PAK2: variants seen among roughly 807,000 people sequenced by gnomAD.
The protein encoded by PAK2 is serine/threonine-protein kinase PAK 2.
A neutral mutation model predicts 65.9 loss-of-function variants in PAK2; 21 were observed. The ratio of observed to expected loss-of-function variants is 0.32; its 90% CI spans 0.23 to 0.46. PAK2 has a LOEUF of 0.46. Ranked by LOEUF, PAK2 falls within the 20% of genes least tolerant of loss-of-function variation. The pLI is 1.00. For missense variants in PAK2, 324 were observed against 642.6 expected, an observed-to-expected ratio of 0.50 and a Z score of 5.36; for synonymous variants, 204 against 219.7, an observed-to-expected ratio of 0.93 and a Z score of 0.63.
intron 2 of PAK2, among the ~76,000 whole-genome samples, chr3:196,792,402 T>C (rs1398510916): frequency 6.6e-6 from 1 of 152,206 alleles, no homozygotes; most frequent in Admixed American, 6.6e-5. Context: ...TAATTTATGA[T>C]AGACGTATTA....
chr3:196,803,282 C>T, intron 4 of PAK2, 118 bp downstream of exon 4: 1 of 803,040 alleles, frequency 1.2e-6, no homozygotes, highest in Non-Finnish European at 1.9e-6. Flanking sequence ...ACGGTTTTTC[C>T]CTGGATAGAT....
At position 196,791,691 on chromosome 3, in the gene PAK2, G is replaced by A. The variant is rs1045926697; in HGVS notation, c.187+8858G>A. On this transcript the variant is annotated intron_variant, in intron 2 of 14. Coordinates refer to ENST00000327134, the MANE Select transcript of PAK2 (RefSeq NM_002577.4). This position sits in a 1 kb window ranked among gnomAD's most constrained non-coding sequence, Gnocchi z 4.0. ...TGTAATCCCAGCACTTTGGGAGGCC[G>A]AGGCAGGTGGATCACGAGGTCAGGA... 4.6e-5 allele frequency among the ~76,000 whole-genome samples: 7 copies of A among 152,086 alleles called. No homozygotes were observed. Among genetic ancestry groups the A allele is most frequent in the South Asian group, 2.1e-4 (1 of 4,830 alleles).
intron 1 of PAK2, chr3:196,747,101 T>C (rs1713408122): frequency 1.3e-5 from 2 of 152,100 alleles, no homozygotes; most frequent in African/African-American, 4.8e-5. Context: ...GATTTACTTA[T>C]TGTATTGGTT....
chr3:196,826,480 T>G (rs76057798), intron 13 of PAK2, among the ~76,000 whole-genome samples: 2,492 of 152,224 alleles, frequency 0.016, 70 homozygotes, highest in African/African-American at 0.056. Flanking sequence ...CCTTGGTTTT[T>G]TTTTGTTTTG....
At position 196,814,907 on chromosome 3, in the gene PAK2, C is replaced by T. The variant is rs376352056; in HGVS notation, c.1053+339C>T. 1.8e-4 allele frequency among the ~76,000 whole-genome samples: 28 copies of T among 152,156 alleles called. No homozygotes were observed. The South Asian group carries it at 2.1e-3, about 11-fold the overall frequency. On this transcript the variant is annotated intron_variant, in intron 11 of 14. Transcript: ENST00000327134. ...AGAAATACACCACTCAGGCTGGGCG[C>T]GGTGGCTCACGCCTGTAATCCCAGC...
intron 2 of PAK2, among the ~76,000 whole-genome samples, chr3:196,787,347 G>A (rs1182671649): frequency 6.6e-6 from 1 of 151,966 alleles, no homozygotes; most frequent in Non-Finnish European, 1.5e-5. Context: ...TTGGGAGGCC[G>A]AGGCCGGCAG....
At chr3:196,815,137 A>T (rs191427920) in intron 11 of PAK2, among the ~76,000 whole-genome samples, 1 of 151,754 alleles carries the variant, frequency 6.6e-6, no homozygotes, top group East Asian at 1.9e-4. Context: ...CCGAGATCAC[A>T]CCACTGCACT....
At position 196,805,390 on chromosome 3, in the gene PAK2, T is replaced by C; in HGVS notation, c.468+7T>C. 7.5e-7 allele frequency: 1 copy of C among 1,326,362 alleles called. No homozygotes were observed. Among genetic ancestry groups the C allele is most frequent in the Non-Finnish European group, 1.0e-6 (1 of 955,594 alleles). The allele number at this position is 1,326,362 out of a possible 1,614,324, so 82.2% of individuals were successfully genotyped here. A position where few individuals can be genotyped will look rare whatever the true frequency, so the allele number is the denominator to read the frequency against. On this transcript the variant is annotated splice_region_variant and intron_variant, in intron 5 of 14. Coordinates refer to ENST00000327134, the MANE Select transcript of PAK2 (RefSeq NM_002577.4). ...TCCTTCTGGAACACCAGCAGTAAGTTAATTATATTATTTCTTGTATCTCTT... is the reference window on the plus strand; with the variant it reads ...TCCTTCTGGAACACCAGCAGTAAGTCAATTATATTATTTCTTGTATCTCTT...
intron 1 of PAK2, among the ~76,000 whole-genome samples, chr3:196,752,098 G>T (rs1034464230): frequency 2.0e-5 from 3 of 152,096 alleles, no homozygotes. Context: ...CTCATTATGT[G>T]TATGCAAATA....
chr3:196,746,927 C>T (rs1344026836), intron 1 of PAK2, among the ~76,000 whole-genome samples: 1 of 150,998 alleles, frequency 6.6e-6, no homozygotes, highest in Non-Finnish European at 1.5e-5. Flanking sequence ...TTTCCTAGAT[C>T]ATTTCTTTTA....
chr3:196,823,198 A>G (rs1321114657), intron 13 of PAK2, among the ~76,000 whole-genome samples: 1 of 152,196 alleles, frequency 6.6e-6, no homozygotes, highest in Non-Finnish European at 1.5e-5. Context: ...AGACCAGGGC[A>G]GTATCAGTGG....
rs58175165 is a variant in PAK2 at position 196,792,798 on chromosome 3, G to GAAA, written c.188-9124_188-9122dup. On this transcript the variant is annotated intron_variant, in intron 2 of 14. Coordinates refer to ENST00000327134, the MANE Select transcript of PAK2 (RefSeq NM_002577.4). ...CTCCCAAGACCCAACTAAAATGACAGAAAAAAATATATATATATACACACA... is the reference window on the plus strand; with the variant it reads ...CTCCCAAGACCCAACTAAAATGACAGAAAAAAAAAATATATATATATACACACA... Among the ~76,000 whole-genome samples, 127 of 150,116 alleles carry GAAA rather than the reference G, an allele frequency of 8.5e-4. 1 individual carries two copies. The highest frequency in any genetic ancestry group is 2.6e-3 in the African/African-American group (105 of 40,678).
rs770403447 is a variant in PAK2 at position 196,806,697 on chromosome 3, A to C, written c.576+11A>C. The stretch of plus-strand genomic sequence containing the variant: ...GATCATACGAAATCAGTGAGTCTCC[A>C]TCGGTGATCTAGGCTGTGTGTGTGC... On this transcript the variant is annotated intron_variant, in intron 6 of 14. Coordinates refer to ENST00000327134, the MANE Select transcript of PAK2 (RefSeq NM_002577.4). 2.1e-6 allele frequency: 3 copies of C among 1,462,292 alleles called. No homozygotes were observed. The highest frequency in any genetic ancestry group is 1.7e-5 in the Admixed American group (1 of 59,816). 90.6% of individuals were successfully genotyped at this position (1,462,292 alleles called of 1,614,324 possible). A position where few individuals can be genotyped will look rare whatever the true frequency, so the allele number is the denominator to read the frequency against.
intron 1 of PAK2, among the ~76,000 whole-genome samples, chr3:196,771,062 G>A (rs1277724101): frequency 6.6e-6 from 1 of 151,474 alleles, no homozygotes; most frequent in African/African-American, 2.4e-5. Flanking sequence ...TTATCTTTTT[G>A]TTATTTTAAA....
At chr3:196,797,710 C>T (rs1348103146) in intron 2 of PAK2, among the ~76,000 whole-genome samples, 1 of 151,538 alleles carries the variant, frequency 6.6e-6, no homozygotes, top group Non-Finnish European at 1.5e-5. Context: ...AAGATTGTGC[C>T]ACTGCACTCC....
chr3:196,765,986 A>G (rs1291032604), intron 1 of PAK2, among the ~76,000 whole-genome samples: 1 of 148,312 alleles, frequency 6.7e-6, no homozygotes, highest in Admixed American at 6.8e-5. Flanking sequence ...TGCAAGCTCC[A>G]CCTCCCGGGG....
chr3:196,809,872 G>A (rs1050597388), intron 7 of PAK2, among the ~76,000 whole-genome samples: 1 of 151,960 alleles, frequency 6.6e-6, no homozygotes, highest in Admixed American at 6.6e-5. Flanking sequence ...GCAAGTGAAA[G>A]TTTAATGTGG....
At chr3:196,819,005 G>A (rs945178509) in intron 12 of PAK2, among the ~76,000 whole-genome samples, 9 of 152,112 alleles carry the variant, frequency 5.9e-5, no homozygotes, top group Non-Finnish European at 1.2e-4. Flanking sequence ...ATTCTCTCCT[G>A]TAGAATTTCT....
At chr3:196,773,642 G>C (rs755301328) in intron 1 of PAK2, among the ~76,000 whole-genome samples, 5 of 152,062 alleles carry the variant, frequency 3.3e-5, no homozygotes, top group Non-Finnish European at 5.9e-5. Flanking sequence ...TTGGGAGGCC[G>C]AGGTGGGTGG....
Sources: gnomAD v4.1 joint callset for allele counts (sites outside exome capture counted in the v4.1 genomes callset) on GRCh38, gnomAD v4.1.1 for gene constraint, Gnocchi (gnomAD v3.1) non-coding constraint, MANE v1.5 for transcripts, NCBI Gene and HGNC (gene_info 2026-07-23, HGNC 2026-07-21) for gene names.